Variants in NCOA1 observed in about 807,000 individuals in gnomAD.
NCOA1 encodes the protein Hin-2 protein.
NCOA1 carries 35 observed loss-of-function variants against 150.9 expected under a neutral mutation model. That is an observed-to-expected ratio of 0.23 (90% CI 0.18 to 0.31). The LOEUF is 0.31. NCOA1 is among the 10% of genes least tolerant of loss of function. The pLI is 1.00. For synonymous variants in NCOA1, 590 were observed against 630.0 expected, an observed-to-expected ratio of 0.94 and a Z score of 0.95; for missense variants, 1,491 against 1,749.3, an observed-to-expected ratio of 0.85 and a Z score of 2.63.
At chr2:24,742,243 C>T in intron 19 of NCOA1, 57 bp downstream of exon 19, 6 of 1,523,000 alleles carry the variant, frequency 3.9e-6, no homozygotes, top group Non-Finnish European at 5.3e-6. Context: ...TTAGGTCTCT[C>T]TCCATCTTTA....
At chr2:24,726,819 G>T in intron 15 of NCOA1, 113 bp downstream of exon 15, 12 of 402,584 alleles carry the variant, frequency 3.0e-5, no homozygotes, top group Admixed American at 4.8e-5. Flanking sequence ...GATATTAATA[G>T]ATGTAAATAC....
At chr2:24,734,769 A>G (rs780017480) in intron 17 of NCOA1, among the ~76,000 whole-genome samples, 1 of 152,002 alleles carries the variant, frequency 6.6e-6, no homozygotes. Context: ...TGTGCTACTC[A>G]CTCCAGCCTG....
chr2:24,742,454 CT>C (rs370770749), intron 19 of NCOA1, among the ~76,000 whole-genome samples: 6 of 148,422 alleles, frequency 4.0e-5, no homozygotes, highest in African/African-American at 7.4e-5. Flanking sequence ...TACGTTCCCC[CT>C]TTTTTTTTTC....
At chr2:24,664,271 G>T (rs991736855) in intron 5 of NCOA1, among the ~76,000 whole-genome samples, 3 of 152,172 alleles carry the variant, frequency 2.0e-5, no homozygotes, top group Non-Finnish European at 4.4e-5. Flanking sequence ...AAAGACAAAC[G>T]TGATCGTCAC....
chr2:24,690,513 G>A (rs998069840), intron 8 of NCOA1, among the ~76,000 whole-genome samples: 6 of 151,656 alleles, frequency 4.0e-5, no homozygotes, highest in Non-Finnish European at 5.9e-5. Flanking sequence ...TTAGCCCAGC[G>A]TGGTGGCACA....
chr2:24,632,647 G>A (rs1669757931), intron 3 of NCOA1, among the ~76,000 whole-genome samples: 1 of 152,154 alleles, frequency 6.6e-6, no homozygotes, highest in Admixed American at 6.5e-5. Flanking sequence ...GCAGGAAATA[G>A]GAGGAATCTT....
rs796783517 is a variant in NCOA1, at chr2:24,517,002, G to GCA, written c.-396+25401_-396+25402insAC. Among the ~76,000 whole-genome samples, 185 of 25,770 alleles carry GCA rather than the reference G, an allele frequency of 7.2e-3. 1 individual carries two copies. Among genetic ancestry groups the GCA allele is most frequent in the South Asian group, 0.015 (8 of 542 alleles). 16.9% of individuals were successfully genotyped at this position (25,770 alleles called of 152,430 possible). On this transcript the variant is annotated intron_variant, in intron 1 of 22. Transcript: ENST00000348332. ...CATATACGTATATATATACACACGCGCGCACACACACACACACACACACAC... is the reference window on the plus strand; with the variant it reads ...CATATACGTATATATATACACACGCGCACGCACACACACACACACACACACAC...
At chr2:24,721,712 A>G (rs1558314691) in intron 14 of NCOA1, among the ~76,000 whole-genome samples, 2 of 152,232 alleles carry the variant, frequency 1.3e-5, no homozygotes, top group Admixed American at 6.5e-5. Context: ...TCAGCCATCC[A>G]TAATTATCCA....
Position 24,694,801 on chromosome 2 carries a change from CAAA to C in NCOA1, c.808+1457_808+1459del, listed in dbSNP as rs56220937. 9.0e-3 allele frequency among the ~76,000 whole-genome samples: 1,369 copies of C among 151,690 alleles called. 28 individuals are homozygous for C. The highest frequency in any genetic ancestry group is 0.031 in the African/African-American group (1,301 of 41,400). ...ATGGATATGTAGGTTTGTCCAAAAA[CAAA>C]AATTTATTTAAATTTTTTTAAAATT... On this transcript the variant is annotated intron_variant, in intron 10 of 22. Coordinates refer to ENST00000348332, the MANE Select transcript of NCOA1 (RefSeq NM_003743.5).
rs1196329371 is a variant in NCOA1, at chr2:24,634,904, ACGGGG to A, written c.-174-9060_-174-9056del. Among the ~76,000 whole-genome samples the A allele has an allele frequency of 3.3e-5, 5 of 151,810 alleles. No individual in the cohort carries two copies. The East Asian group carries it at 9.7e-4, about 29-fold the overall frequency. On this transcript the variant is annotated intron_variant, in intron 3 of 22. Transcript: ENST00000348332. ...CTTATTTTTAAATTGTTTTGTAGAG[ACGGGG>A]CCTCACTTTGTTGCCCAAGCTATTC... is the stretch of plus-strand genomic sequence containing the variant.
intron 3 of NCOA1, among the ~76,000 whole-genome samples, chr2:24,601,720 C>A (rs1204089776): frequency 3.9e-5 from 6 of 152,062 alleles, no homozygotes; most frequent in African/African-American, 1.4e-4. Flanking sequence ...GTAACCTCCG[C>A]CTCCTGGGTT....
intron 3 of NCOA1, among the ~76,000 whole-genome samples, chr2:24,627,067 T>C (rs1181957355): frequency 6.6e-6 from 1 of 151,794 alleles, no homozygotes; most frequent in East Asian, 1.9e-4. Context: ...TGTTTTATAA[T>C]TTGATTTTAA....
chr2:24,516,966 G>A (rs1269121399), intron 1 of NCOA1, among the ~76,000 whole-genome samples: 1 of 84,488 alleles, frequency 1.2e-5, no homozygotes, highest in Non-Finnish European at 2.4e-5. Flanking sequence ...GTATATATAC[G>A]TATATATACA....
In NCOA1 at chr2:24,586,684, G is replaced by T. The variant is rs115834449; in HGVS notation, c.-175+2124G>T. 2.3e-3 allele frequency among the ~76,000 whole-genome samples: 353 copies of T among 152,250 alleles called. 2 individuals carry two copies. Among genetic ancestry groups the T allele is most frequent in the Middle Eastern group, 0.01 (3 of 294 alleles). On this transcript the variant is annotated intron_variant, in intron 3 of 22. Coordinates refer to ENST00000348332, the MANE Select transcript of NCOA1 (RefSeq NM_003743.5). ...TGCCAAGGCTGCTCTCAAACTCTAG[G>T]CTCAGGCAGTCTGCCTGCCTTGGCC...
intron 7 of NCOA1, 41 bp downstream of exon 7, chr2:24,673,504 G>A (rs774614554): frequency 1.4e-6 from 2 of 1,417,802 alleles, no homozygotes; most frequent in Non-Finnish European, 9.6e-7. Context: ...TAAAATCTTT[G>A]TTGTAGCCAG....
intron 3 of NCOA1, among the ~76,000 whole-genome samples, chr2:24,589,465 G>A (rs1036783995): frequency 1.3e-5 from 2 of 152,064 alleles, no homozygotes; most frequent in African/African-American, 4.8e-5. Flanking sequence ...GTTTCCTAAG[G>A]TACATTTCCT....
chr2:24,655,154 G>GT (rs1670876680), intron 4 of NCOA1, among the ~76,000 whole-genome samples: 1 of 152,122 alleles, frequency 6.6e-6, no homozygotes, highest in South Asian at 2.1e-4. Flanking sequence ...TTGGCATATG[G>GT]TAAGAGCTCA....
intron 2 of NCOA1, among the ~76,000 whole-genome samples, chr2:24,577,758 A>G (rs535900546): frequency 2.6e-5 from 4 of 152,268 alleles, no homozygotes; most frequent in Admixed American, 6.5e-5. Flanking sequence ...TGATAATTCT[A>G]TGATCTGTTT....
rs749333717 is a variant in NCOA1, at chr2:24,710,884, G to T, written c.2419-47G>T. On this transcript the variant is annotated intron_variant, in intron 13 of 22. Transcript: ENST00000348332. ...AGCATTTTTTTCTACGTTGTTTCAG[G>T]TGAAAGTGTAAAATATATTTCCTCT... The T allele has an allele frequency of 2.8e-5, 44 of 1,572,960 alleles. 1 individual carries two copies. The highest frequency in any genetic ancestry group is 3.5e-5 in the Non-Finnish European group (40 of 1,148,682).
Sources: gnomAD v4.1 joint callset for allele counts (sites outside exome capture counted in the v4.1 genomes callset) on GRCh38, gnomAD v4.1.1 for gene constraint, MANE v1.5 for transcripts, NCBI Gene and HGNC (gene_info 2026-07-23, HGNC 2026-07-21) for gene names.